The following ANKRD44 variants were observed in gnomAD, a reference collection of about 807,000 sequenced individuals.
ANKRD44 encodes serine/threonine-protein phosphatase 6 regulatory ankyrin repeat subunit B.
ANKRD44 carries 35 observed loss-of-function variants against 116.0 expected under a neutral mutation model. The observed-to-expected ratio is 0.30, with a 90% confidence interval of 0.23 to 0.40. The LOEUF (loss-of-function observed/expected upper bound fraction) is 0.40, where lower values mean the gene tolerates loss of function less well. ANKRD44 is among the 10% of genes least tolerant of loss of function. The probability of loss-of-function intolerance (pLI) is 1.00; values close to 1 mark genes in which losing one functional copy is unlikely to be tolerated. For synonymous variants in ANKRD44, 435 were observed against 461.8 expected, an observed-to-expected ratio of 0.94 and a Z score of 0.74; for missense variants, 1,014 against 1,242.6, an observed-to-expected ratio of 0.82 and a Z score of 2.77.
intron 10 of ANKRD44, among the ~76,000 whole-genome samples, chr2:197,097,894 C>T (rs995756788): frequency 2.6e-5 from 4 of 152,168 alleles, no homozygotes; most frequent in Non-Finnish European, 5.9e-5. Context: ...TGTGGCTCTT[C>T]CAGCCTTTCC....
At chr2:197,065,261 C>G (rs1199597430) in intron 16 of ANKRD44, among the ~76,000 whole-genome samples, 3 of 152,106 alleles carry the variant, frequency 2.0e-5, no homozygotes, top group African/African-American at 4.8e-5. Context: ...CCAATGAGAA[C>G]AAAGACACAA....
chr2:197,005,034 T>G (rs1477516487), intron 21 of ANKRD44, among the ~76,000 whole-genome samples: 1 of 152,060 alleles, frequency 6.6e-6, no homozygotes, highest in East Asian at 1.9e-4. Context: ...ATAATTCCAG[T>G]TTCAAAAAAT....
At chr2:196,998,723 C>T (rs2076059414) in intron 24 of ANKRD44, among the ~76,000 whole-genome samples, 184 bp downstream of exon 24, 1 of 152,056 alleles carries the variant, frequency 6.6e-6, no homozygotes. Context: ...TTGACAAGGT[C>T]CACCAAGAAT....
chr2:197,069,119 T>TA (rs1215290556), intron 16 of ANKRD44, among the ~76,000 whole-genome samples: 1 of 151,990 alleles, frequency 6.6e-6, no homozygotes, highest in African/African-American at 2.4e-5. Flanking sequence ...TATGCAGCCA[T>TA]AAAAAAGGAT....
chr2:197,015,650 G>T, intron 17 of ANKRD44: 1 of 559,164 alleles, frequency 1.8e-6, no homozygotes, highest in Non-Finnish European at 3.3e-6. Context: ...GGTGGTGGCA[G>T]CAGAGGTAGT....
At chr2:197,298,598 G>A (rs2105901622) in intron 1 of ANKRD44, among the ~76,000 whole-genome samples, 1 of 152,292 alleles carries the variant, frequency 6.6e-6, no homozygotes, top group South Asian at 2.1e-4. Flanking sequence ...TTTCCAAAAA[G>A]AATGTATCAC....
intron 6 of ANKRD44, 147 bp from the exon 7 acceptor site, chr2:197,122,939 A>C: frequency 2.2e-6 from 2 of 908,116 alleles, no homozygotes; most frequent in Non-Finnish European, 3.2e-6. Context: ...GCAACTATTC[A>C]ACAAATATTT....
rs78580832 is a variant in ANKRD44, at chr2:197,105,745, C to T, written c.985+5021G>A. Among the ~76,000 whole-genome samples the T allele has an allele frequency of 2.0e-3, 302 of 152,308 alleles. 1 individual carries two copies. Among genetic ancestry groups the T allele is most frequent in the African/African-American group, 7.0e-3 (293 of 41,564 alleles). On this transcript the variant is annotated intron_variant, in intron 9 of 27. Coordinates refer to ENST00000282272, the MANE Select transcript of ANKRD44 (RefSeq NM_001195144.2). ...CAATTGAGATCAATTCATTTTATGA[C>T]TTGATGGTAGCTTTGGAGACAGGCA...
intron 1 of ANKRD44, among the ~76,000 whole-genome samples, chr2:197,190,676 T>C (rs1411209493): frequency 6.6e-6 from 1 of 152,210 alleles, no homozygotes; most frequent in Non-Finnish European, 1.5e-5. Context: ...ATCTAAATAC[T>C]ATATTATATG....
intron 2 of ANKRD44, among the ~76,000 whole-genome samples, chr2:197,170,088 G>A (rs1370797571): frequency 6.6e-6 from 1 of 151,568 alleles, no homozygotes; most frequent in Admixed American, 6.6e-5. Context: ...TACCTGGGGG[G>A]CTGAGGTGAG....
At chr2:197,024,272 A>G (rs189329779) in intron 17 of ANKRD44, among the ~76,000 whole-genome samples, 110 of 152,288 alleles carry the variant, frequency 7.2e-4, no homozygotes, top group Admixed American at 2.0e-3. Context: ...AAACAAAGAA[A>G]CCCAGCCCCT....
At chr2:197,263,551 C>T (rs1161107455) in intron 1 of ANKRD44, 2 of 312,216 alleles carry the variant, frequency 6.4e-6, no homozygotes, top group Non-Finnish European at 6.2e-6. Flanking sequence ...CTGTCTCCAC[C>T]TCCCATATTT....
At chr2:197,290,797 G>C (rs1018643273) in intron 1 of ANKRD44, among the ~76,000 whole-genome samples, 12 of 148,846 alleles carry the variant, frequency 8.1e-5, no homozygotes, top group Admixed American at 7.9e-4. Context: ...TTTTTTGTTT[G>C]TTTGTTTTTT....
intron 1 of ANKRD44, among the ~76,000 whole-genome samples, chr2:197,263,915 T>A (rs755934162): frequency 1.3e-5 from 2 of 149,660 alleles, no homozygotes; most frequent in Non-Finnish European, 3.0e-5. Context: ...TGATTCTGGC[T>A]AACGGAATAA....
intron 22 of ANKRD44, 125 bp from the exon 23 acceptor site, chr2:197,000,627 T>A (rs775835696): frequency 4.3e-5 from 32 of 746,262 alleles, no homozygotes; most frequent in Non-Finnish European, 6.6e-5. Flanking sequence ...ACGTAAATAT[T>A]TGTGGTATAT....
intron 16 of ANKRD44, among the ~76,000 whole-genome samples, chr2:197,067,429 C>G (rs1374522403): frequency 6.6e-6 from 1 of 151,724 alleles, no homozygotes; most frequent in Non-Finnish European, 1.5e-5. Context: ...AGGCAACCTA[C>G]AACATGGGAG....
At chr2:197,289,816 C>T (rs979987788) in intron 1 of ANKRD44, among the ~76,000 whole-genome samples, 18 of 151,880 alleles carry the variant, frequency 1.2e-4, no homozygotes, top group African/African-American at 4.1e-4. Context: ...ATCTACATGT[C>T]ATTAAAGTGG....
At chr2:197,019,331 G>A (rs1223169540) in intron 17 of ANKRD44, among the ~76,000 whole-genome samples, 1 of 152,178 alleles carries the variant, frequency 6.6e-6, no homozygotes, top group African/African-American at 2.4e-5. Flanking sequence ...TGCTTGTTAT[G>A]CAAACCATAG....
rs558453149 is a variant in ANKRD44 at position 196,998,468 on chromosome 2, A to C, written c.2666-49T>G. The C allele has an allele frequency of 5.3e-5, 71 of 1,347,576 alleles. 2 individuals are homozygous for C. The South Asian group carries it at 7.6e-4, about 14-fold the overall frequency. 83.5% of individuals were successfully genotyped at this position (1,347,576 alleles called of 1,614,324 possible). A position where few individuals can be genotyped will look rare whatever the true frequency, so the allele number is the denominator to read the frequency against. The stretch of plus-strand genomic sequence containing the variant: ...GTTACTTAGATGAGATGCTAATTAC[A>C]TGCATTTTGAAGAAGTTACTACAAA... On this transcript the variant is annotated intron_variant, in intron 24 of 27. Transcript: ENST00000282272.
Sources: allele counts gnomAD v4.1 joint callset (sites outside exome capture counted in the v4.1 genomes callset), GRCh38; gene constraint gnomAD v4.1.1; transcripts MANE v1.5; gene names NCBI Gene and HGNC (gene_info 2026-07-23, HGNC 2026-07-21).